GLIS3: variants seen among roughly 807,000 people sequenced by gnomAD.
GLIS3 encodes zinc finger protein GLIS3.
GLIS3 carries 53 observed loss-of-function variants against 78.6 expected under a neutral mutation model. The ratio of observed to expected loss-of-function variants is 0.67; its 90% confidence interval spans 0.54 to 0.85. The LOEUF is 0.85. Among genes scored for constraint, GLIS3 ranks in the 40% least tolerant of loss-of-function variants. GLIS3 has a pLI of 0.00. For missense variants in GLIS3, 1,703 were observed against 1,231.1 expected, an observed-to-expected ratio of 1.38 and a Z score of -5.74; for synonymous variants, 684 against 509.9, an observed-to-expected ratio of 1.34 and a Z score of -4.60.
chr9:4,289,899 C>T (rs2130377279), intron 1 of GLIS3, among the ~76,000 whole-genome samples: 1 of 152,088 alleles, frequency 6.6e-6, no homozygotes, highest in African/African-American at 2.4e-5. Context: ...ATTACTTAAC[C>T]CTAAGGAAAC....
At chr9:4,489,170 C>G in the GLIS3 span, among the ~76,000 whole-genome samples, 1 of 152,190 alleles carries the variant, frequency 6.6e-6, no homozygotes, top group South Asian at 2.1e-4. Context: ...CCCGGGTCCC[C>G]TTCTGACATT....
chr9:4,217,958 G>C (rs751061326), intron 2 of GLIS3, among the ~76,000 whole-genome samples: 30 of 152,214 alleles, frequency 2.0e-4, no homozygotes, highest in Non-Finnish European at 2.5e-4. Context: ...TCTGCTGTGA[G>C]ATTGAAAAGC....
chr9:4,100,536 C>G (rs1010672220), intron 4 of GLIS3, among the ~76,000 whole-genome samples: 1 of 152,234 alleles, frequency 6.6e-6, no homozygotes, highest in African/African-American at 2.4e-5. Flanking sequence ...TCTGGAATAA[C>G]CAAATTCAAA....
intron 2 of GLIS3, among the ~76,000 whole-genome samples, chr9:4,264,679 C>A (rs753601589): frequency 2.0e-5 from 3 of 152,238 alleles, no homozygotes; most frequent in Non-Finnish European, 4.4e-5. Context: ...AATGTCCTTT[C>A]TACAATATTC....
the GLIS3 span, among the ~76,000 whole-genome samples, chr9:4,384,024 G>A: frequency 2.6e-5 from 4 of 152,208 alleles, no homozygotes; most frequent in East Asian, 5.8e-4. Flanking sequence ...GCCATTGGCT[G>A]CCAATCAGTC....
the GLIS3 span, among the ~76,000 whole-genome samples, chr9:4,355,359 G>A: frequency 6.6e-6 from 1 of 152,128 alleles, no homozygotes; most frequent in East Asian, 1.9e-4. Flanking sequence ...TTTAGGCAAT[G>A]CATATAGAGG....
the GLIS3 span, among the ~76,000 whole-genome samples, chr9:4,372,467 C>G: frequency 6.6e-6 from 1 of 151,200 alleles, no homozygotes; most frequent in African/African-American, 2.4e-5. Context: ...GCAAACCAAC[C>G]AGTCCAGAGT....
At chr9:4,208,509 G>A (rs1433210508) in intron 2 of GLIS3, among the ~76,000 whole-genome samples, 1 of 152,170 alleles carries the variant, frequency 6.6e-6, no homozygotes, top group Non-Finnish European at 1.5e-5. Context: ...CTGAAAACAA[G>A]TGCTCTCTTC....
chr9:4,158,151 C>G (rs1835178370), intron 2 of GLIS3, among the ~76,000 whole-genome samples: 1 of 152,134 alleles, frequency 6.6e-6, no homozygotes, highest in Admixed American at 6.6e-5. Context: ...AACGATGCCT[C>G]TTTTAAGCTG....
intron 4 of GLIS3, among the ~76,000 whole-genome samples, chr9:3,956,556 C>G (rs1817124586): frequency 1.3e-5 from 2 of 152,320 alleles, no homozygotes; most frequent in South Asian, 4.1e-4. Context: ...TCAGCCCATT[C>G]TTAAGTAACT....
upstream of GLIS3, among the ~76,000 whole-genome samples, chr9:4,304,854 A>T (rs1817188845): frequency 6.6e-6 from 1 of 152,150 alleles, no homozygotes; most frequent in Non-Finnish European, 1.5e-5. Context: ...TGTTAAAAGC[A>T]CTCAGGAGAT....
chr9:4,024,407 G>A (rs1329075172), intron 4 of GLIS3, among the ~76,000 whole-genome samples: 2 of 152,172 alleles, frequency 1.3e-5, no homozygotes, highest in African/African-American at 4.8e-5. Flanking sequence ...CATCCCTGTA[G>A]GAACACACTT....
the GLIS3 span, among the ~76,000 whole-genome samples, chr9:4,477,620 C>T: frequency 6.6e-6 from 1 of 152,050 alleles, no homozygotes; most frequent in African/African-American, 2.4e-5. Context: ...CCCTATGTTG[C>T]CCAAGCTGGT....
intron 8 of GLIS3, among the ~76,000 whole-genome samples, chr9:3,862,265 A>T (rs1820261760): frequency 2.0e-5 from 3 of 152,194 alleles, no homozygotes. Context: ...GGAATGAAGA[A>T]GATTCCTGAG....
chr9:3,978,777 T>A (rs539964686), intron 4 of GLIS3, among the ~76,000 whole-genome samples: 2 of 152,288 alleles, frequency 1.3e-5, no homozygotes, highest in East Asian at 3.9e-4. Context: ...CTCCCAAGTC[T>A]AAGTATCTGC....
At chr9:4,002,049 T>C (rs1821156799) in intron 4 of GLIS3, among the ~76,000 whole-genome samples, 2 of 152,198 alleles carry the variant, frequency 1.3e-5, no homozygotes, top group African/African-American at 4.8e-5. Context: ...GCAGCTGTGA[T>C]TAAATTAAGG....
intron 7 of GLIS3, among the ~76,000 whole-genome samples, chr9:3,887,762 C>G (rs544248935): frequency 1.3e-5 from 2 of 152,284 alleles, no homozygotes; most frequent in Admixed American, 1.3e-4. Context: ...TCCTAAATAC[C>G]AGGTCTAATT....
chr9:4,382,066 CT>C, the GLIS3 span, among the ~76,000 whole-genome samples: 2 of 152,232 alleles, frequency 1.3e-5, no homozygotes, highest in Non-Finnish European at 2.9e-5. Context: ...AGATACTAAT[CT>C]CGGAATGTCA....
intron 4 of GLIS3, among the ~76,000 whole-genome samples, chr9:3,945,350 G>T (rs924245613): frequency 1.3e-5 from 2 of 152,112 alleles, no homozygotes; most frequent in South Asian, 2.1e-4. Flanking sequence ...TTAAAGAAAA[G>T]AATTATTTCA....
Sources: allele counts gnomAD v4.1 joint callset (sites outside exome capture counted in the v4.1 genomes callset), GRCh38; gene constraint gnomAD v4.1.1; transcripts MANE v1.5; gene names NCBI Gene and HGNC (gene_info 2026-07-23, HGNC 2026-07-21).